Variants in TANC1 observed in about 807,000 individuals in gnomAD.
TANC1 encodes the protein tetratricopeptide repeat, ankyrin repeat and coiled-coil containing 1.
TANC1 carries 77 observed loss-of-function variants against 149.7 expected under a neutral mutation model. The ratio of observed to expected loss-of-function variants is 0.51; its 90% CI spans 0.43 to 0.62. TANC1 has a LOEUF of 0.62. Among genes scored for constraint, TANC1 ranks in the 20% least tolerant of loss-of-function variants. The pLI, the probability that TANC1 is intolerant of heterozygous loss-of-function variation, is 0.00. For synonymous variants in TANC1, 854 were observed against 925.0 expected (o/e 0.92, Z 1.39); for missense variants, 1,985 against 2,321.8 (o/e 0.85, Z 2.98).
At chr2:159,130,171 C>T (rs1218467380) in intron 4 of TANC1, among the ~76,000 whole-genome samples, 1 of 152,086 alleles carries the variant, frequency 6.6e-6, no homozygotes, top group Non-Finnish European at 1.5e-5. Flanking sequence ...TGTTTTTATC[C>T]ACAGACAAGT....
rs1414315020 is a variant in TANC1, at chr2:159,051,582, C to A, written c.-15-14314C>A. On this transcript the variant is annotated intron_variant, in intron 2 of 26. Transcript: ENST00000263635. ...ATAGGTTTGATTAGTTTTATGGGAC[C>A]CCTACAAATAACATGTCATATCCAC... 2.6e-5 allele frequency among the ~76,000 whole-genome samples: 4 copies of A among 151,764 alleles called. No individual in the cohort carries two copies. In the South Asian group the frequency reaches 8.3e-4, roughly 32 times the overall value.
chr2:158,995,441 A>G (rs1574019450), intron 1 of TANC1, among the ~76,000 whole-genome samples: 1 of 152,198 alleles, frequency 6.6e-6, no homozygotes, highest in Non-Finnish European at 1.5e-5. Context: ...GCTCCTGTTA[A>G]CAGCCACTTG....
intron 4 of TANC1, 141 bp from the exon 5 acceptor site, chr2:159,136,053 C>CGA: frequency 2.2e-5 from 7 of 321,578 alleles, no homozygotes; most frequent in Non-Finnish European, 3.1e-5. Context: ...TGTGTGTGCG[C>CGA]GCGCGCGCGT....
chr2:159,212,391 C>A (rs180901792), intron 19 of TANC1, among the ~76,000 whole-genome samples: 1 of 152,236 alleles, frequency 6.6e-6, no homozygotes, highest in East Asian at 1.9e-4. Flanking sequence ...GATCTTCTAG[C>A]GTAAGAATCA....
chr2:159,174,580 A>C (rs1331458264), intron 11 of TANC1, among the ~76,000 whole-genome samples: 1 of 152,176 alleles, frequency 6.6e-6, no homozygotes, highest in Non-Finnish European at 1.5e-5. Flanking sequence ...TGCTCTTGAG[A>C]ACAGAAACCT....
intron 7 of TANC1, among the ~76,000 whole-genome samples, chr2:159,156,602 A>G (rs1292551465): frequency 1.3e-5 from 2 of 152,218 alleles, no homozygotes; most frequent in Non-Finnish European, 2.9e-5. Flanking sequence ...CAAGTTGTGA[A>G]TTACTGAGAA....
intron 2 of TANC1, among the ~76,000 whole-genome samples, chr2:159,052,667 C>G (rs1001171149): frequency 6.6e-6 from 1 of 152,158 alleles, no homozygotes; most frequent in Non-Finnish European, 1.5e-5. Context: ...GAGAAAAACT[C>G]AACTGTATTT....
chr2:159,040,638 G>A (rs1006725505), intron 2 of TANC1, among the ~76,000 whole-genome samples: 38 of 152,140 alleles, frequency 2.5e-4, no homozygotes, highest in African/African-American at 9.2e-4. Flanking sequence ...CTCTATACTG[G>A]TTATTCTAGT....
rs115668769 is a variant in TANC1 at position 159,209,387 on chromosome 2, G to A, written c.3245-8110G>A. Among the ~76,000 whole-genome samples, 583 of 152,318 alleles carry A rather than the reference G, an allele frequency of 3.8e-3. 1 individual carries two copies. Among genetic ancestry groups the A allele is most frequent in the African/African-American group, 0.013 (557 of 41,566 alleles). On this transcript the variant is annotated intron_variant, in intron 19 of 26. Coordinates refer to ENST00000263635, the MANE Select transcript of TANC1 (RefSeq NM_033394.3). Reference sequence around the variant, plus strand: ...AGAAGCCTTCCCCTCGCTCAGAGACGGGAGGAAATGCCTAACAAAGAACAC... The same window carrying A: ...AGAAGCCTTCCCCTCGCTCAGAGACAGGAGGAAATGCCTAACAAAGAACAC...
chr2:159,169,246 A>C lies in TANC1; in HGVS notation c.947-4A>C. 6.2e-7 allele frequency: 1 copy of C among 1,612,788 alleles called. No individual in the cohort carries two copies. The highest frequency in any genetic ancestry group is 1.3e-5 in the African/African-American group (1 of 75,022). On this transcript the variant is annotated splice_polypyrimidine_tract_variant and splice_region_variant and intron_variant, in intron 8 of 26. Coordinates refer to ENST00000263635, the MANE Select transcript of TANC1 (RefSeq NM_033394.3). ...AGATACTAAACTTCAGTTTAATATT[A>C]CAGCAACAAGCTCAACCAAATTGGA...
intron 12 of TANC1, among the ~76,000 whole-genome samples, chr2:159,175,698 C>T (rs868321781): frequency 1.3e-4 from 20 of 152,340 alleles, no homozygotes; most frequent in Middle Eastern, 6.8e-3. Flanking sequence ...CCTCTCTGCC[C>T]TGGACTCCTC....
At position 159,163,316 on chromosome 2, in the gene TANC1, G is replaced by A. The variant is rs371226251; in HGVS notation, c.716G>A (p.Arg239Gln). The A allele has an allele frequency of 2.2e-5, 35 of 1,613,990 alleles. No individual in the cohort carries two copies. The African/African-American group carries it at 2.3e-4, about 10-fold the overall frequency. The change falls in exon 8 of 27, where the codon CGG (arginine) becomes CAG (glutamine). Residue 239 changes from arginine to glutamine, a missense_variant. Physicochemically the swap from Arg to Gln is conservative, Grantham distance 43. Transcript: ENST00000263635. ...TITSSSENDD[R>Q]SGSSLEWNKD... ...ACAAGTTCATCCGAAAATGATGACC[G>A]GAGTGGCTCCAGTTTGGAATGGAAT... is the stretch of plus-strand genomic sequence containing the variant.
chr2:159,186,002 T>C, intron 15 of TANC1, 103 bp downstream of exon 15: 1 of 835,614 alleles, frequency 1.2e-6, no homozygotes, highest in Non-Finnish European at 2.0e-6. Flanking sequence ...AAACGCTCCA[T>C]GCACCTCAGC....
intron 7 of TANC1, among the ~76,000 whole-genome samples, chr2:159,158,560 T>C (rs1048691291): frequency 1.1e-4 from 16 of 152,218 alleles, no homozygotes; most frequent in African/African-American, 3.6e-4. Context: ...GGATCATTAC[T>C]TAATTCCTCA....
At chr2:159,080,228 G>A (rs890317049) in intron 3 of TANC1, among the ~76,000 whole-genome samples, 9 of 152,228 alleles carry the variant, frequency 5.9e-5, no homozygotes, top group African/African-American at 1.9e-4. Context: ...TGTATTTTGG[G>A]AGACAGGGAA....
At chr2:159,201,522 G>A (rs969312365) in intron 19 of TANC1, among the ~76,000 whole-genome samples, 1 of 152,174 alleles carries the variant, frequency 6.6e-6, no homozygotes, top group Non-Finnish European at 1.5e-5. Context: ...GTGCATTGTT[G>A]CTCGTTGCTA....
At chr2:159,022,295 C>G (rs573695678) in intron 2 of TANC1, among the ~76,000 whole-genome samples, 4 of 152,316 alleles carry the variant, frequency 2.6e-5, no homozygotes, top group African/African-American at 9.6e-5. Flanking sequence ...CTGAGCAGTT[C>G]AGAATATGTA....
intron 4 of TANC1, among the ~76,000 whole-genome samples, chr2:159,110,280 G>A (rs1190285637): frequency 2.0e-5 from 3 of 152,188 alleles, no homozygotes; most frequent in East Asian, 1.9e-4. Flanking sequence ...AGCATAGTGT[G>A]TATACAGGGT....
chr2:159,105,219 C>T (rs185357688), intron 4 of TANC1, among the ~76,000 whole-genome samples: 45 of 151,862 alleles, frequency 3.0e-4, no homozygotes, highest in African/African-American at 1.0e-3. Context: ...TGGTCTCGAT[C>T]TCCTGATCCC....
Sources: gnomAD v4.1 joint callset for allele counts (sites outside exome capture counted in the v4.1 genomes callset) on GRCh38, gnomAD v4.1.1 for gene constraint, MANE v1.5 for transcripts, NCBI Gene and HGNC (gene_info 2026-07-23, HGNC 2026-07-21) for gene names.